The following NFATC3 variants were observed in gnomAD, a reference collection of about 807,000 sequenced individuals.
The protein encoded by NFATC3 is nuclear factor of activated T-cells, cytoplasmic 3.
In NFATC3, 46 loss-of-function variants were observed where a neutral mutation model predicts 98.6. The observed-to-expected ratio is 0.47, with a 90% CI of 0.37 to 0.60. NFATC3 has a LOEUF of 0.60. Ranked by LOEUF, NFATC3 falls within the 20% of genes least tolerant of loss-of-function variation. The pLI is 0.00. For synonymous variants in NFATC3, 512 were observed against 472.2 expected, an observed-to-expected ratio of 1.08 and a Z score of -1.09; for missense variants, 1,256 against 1,295.5, an observed-to-expected ratio of 0.97 and a Z score of 0.47.
At chr16:68,167,785 T>TTTATATCTG (rs1450140826) in intron 5 of NFATC3, among the ~76,000 whole-genome samples, 1 of 150,498 alleles carries the variant, frequency 6.6e-6, no homozygotes, top group Non-Finnish European at 1.5e-5. Context: ...TATATAATGT[T>TTTATATCTG]TTATATCTGT....
intron 1 of NFATC3, among the ~76,000 whole-genome samples, chr16:68,114,872 C>T (rs889005404): frequency 4.6e-5 from 7 of 152,048 alleles, no homozygotes; most frequent in African/African-American, 9.7e-5. Context: ...CGCACCTGGC[C>T]GGAAAACCAC....
intron 9 of NFATC3, among the ~76,000 whole-genome samples, chr16:68,204,469 A>G (rs1385265159): frequency 2.0e-5 from 3 of 152,208 alleles, no homozygotes; most frequent in African/African-American, 7.2e-5. Flanking sequence ...AATTCTTTGC[A>G]ATCATGTGTG....
intron 1 of NFATC3, among the ~76,000 whole-genome samples, chr16:68,099,451 A>G (rs991748145): frequency 2.6e-5 from 4 of 151,316 alleles, no homozygotes; most frequent in African/African-American, 7.3e-5. Context: ...AAAAAAATAT[A>G]TTAGCCGGGC....
At chr16:68,189,985 G>A (rs556325955) in intron 8 of NFATC3, among the ~76,000 whole-genome samples, 9 of 152,104 alleles carry the variant, frequency 5.9e-5, no homozygotes, top group Non-Finnish European at 2.9e-5. Flanking sequence ...GTTGCAGTAC[G>A]CCGAGATTGC....
chr16:68,153,766 A>C (rs1441708583), intron 3 of NFATC3, among the ~76,000 whole-genome samples: 1 of 152,040 alleles, frequency 6.6e-6, no homozygotes, highest in Non-Finnish European at 1.5e-5. Flanking sequence ...GGCACCTGCC[A>C]CCATGCCCGG....
At chr16:68,214,266 A>G (rs2093772002) in intron 9 of NFATC3, 12 of 1,241,030 alleles carry the variant, frequency 9.7e-6, no homozygotes, top group Admixed American at 1.7e-5. Context: ...TGGGCACTGT[A>G]GTAGATTAAG....
intron 1 of NFATC3, among the ~76,000 whole-genome samples, chr16:68,091,035 G>GA (rs1453476944): frequency 6.6e-6 from 1 of 152,138 alleles, no homozygotes; most frequent in African/African-American, 2.4e-5. Context: ...CAAGTATGGG[G>GA]AAAAATCGAG....
rs566593670 is a variant in NFATC3, at chr16:68,099,110, G to A, written c.103+13326G>A. Among the ~76,000 whole-genome samples the A allele has an allele frequency of 3.3e-5, 5 of 152,044 alleles. No individual in the cohort carries two copies. In the East Asian group the frequency reaches 7.7e-4, roughly 24 times the overall value. On this transcript the variant is annotated intron_variant, in intron 1 of 9. Transcript: ENST00000346183. ...GTAGTTCTCTGCAGTTTTATCATAT[G>A]TAGATTAGTGTAACTACTACCATGA...
intron 3 of NFATC3, among the ~76,000 whole-genome samples, chr16:68,152,980 T>A (rs1411031234): frequency 6.6e-6 from 1 of 152,192 alleles, no homozygotes; most frequent in Non-Finnish European, 1.5e-5. Flanking sequence ...GCCACAAGTA[T>A]TGCTGCATTG....
chr16:68,185,380 G>C (rs1396360744), intron 8 of NFATC3, among the ~76,000 whole-genome samples: 2 of 152,078 alleles, frequency 1.3e-5, no homozygotes, highest in East Asian at 3.8e-4. Context: ...ATTCTTCAAG[G>C]CGGGTGGTAA....
chr16:68,170,396 A>AC (rs2039403939), intron 5 of NFATC3, among the ~76,000 whole-genome samples: 2 of 151,546 alleles, frequency 1.3e-5, no homozygotes, highest in Non-Finnish European at 2.9e-5. Context: ...CAAAAAAAAA[A>AC]AAAAAAAGCA....
At chr16:68,205,759 A>G (rs1342781761) in intron 9 of NFATC3, among the ~76,000 whole-genome samples, 2 of 152,086 alleles carry the variant, frequency 1.3e-5, no homozygotes, top group South Asian at 4.1e-4. Flanking sequence ...TATACTTTGC[A>G]TTTCCCATGT....
At chr16:68,099,837 C>A (rs1027556458) in intron 1 of NFATC3, among the ~76,000 whole-genome samples, 2 of 152,038 alleles carry the variant, frequency 1.3e-5, no homozygotes, top group African/African-American at 4.8e-5. Context: ...GGGACAGGGT[C>A]TCACTAGGTT....
intron 1 of NFATC3, among the ~76,000 whole-genome samples, chr16:68,095,169 A>G (rs553526254): frequency 1.3e-5 from 2 of 152,090 alleles, no homozygotes; most frequent in South Asian, 4.2e-4. Flanking sequence ...CTTACTATCC[A>G]CAGTATTCTA....
chr16:68,151,079 G>A (rs1345643500), intron 3 of NFATC3, among the ~76,000 whole-genome samples: 1 of 152,072 alleles, frequency 6.6e-6, no homozygotes, highest in Non-Finnish European at 1.5e-5. Flanking sequence ...GTATGGCTGG[G>A]CATTGTAGCT....
At chr16:68,140,241 C>A (rs1036877120) in intron 3 of NFATC3, among the ~76,000 whole-genome samples, 8 of 152,190 alleles carry the variant, frequency 5.3e-5, no homozygotes, top group Non-Finnish European at 8.8e-5. Flanking sequence ...CCTCAGGTGA[C>A]CCGCCCACGT....
chr16:68,154,903 G>A (rs1407690759), intron 3 of NFATC3, among the ~76,000 whole-genome samples: 2 of 152,164 alleles, frequency 1.3e-5, no homozygotes, highest in African/African-American at 2.4e-5. Flanking sequence ...GAGCAGGGGA[G>A]CCAAAGTTAT....
intron 4 of NFATC3, among the ~76,000 whole-genome samples, chr16:68,159,107 CTG>C (rs2038759525): frequency 6.6e-6 from 1 of 152,182 alleles, no homozygotes; most frequent in Non-Finnish European, 1.5e-5. Flanking sequence ...TTGCGCCTGT[CTG>C]TAGTCCCAGC....
intron 1 of NFATC3, among the ~76,000 whole-genome samples, chr16:68,100,582 A>T (rs1278420948): frequency 2.0e-5 from 3 of 151,848 alleles, no homozygotes; most frequent in Non-Finnish European, 4.4e-5. Context: ...TCAAAAACAA[A>T]ACAAAACAAA....
Sources: gnomAD v4.1 joint callset for allele counts (sites outside exome capture counted in the v4.1 genomes callset) on GRCh38, gnomAD v4.1.1 for gene constraint, MANE v1.5 for transcripts, NCBI Gene and HGNC (gene_info 2026-07-23, HGNC 2026-07-21) for gene names.